ZSWIM6: variants seen among roughly 807,000 people sequenced by gnomAD.
The protein encoded by ZSWIM6 is zinc finger SWIM domain-containing protein 6.
ZSWIM6 carries 9 observed loss-of-function variants against 113.2 expected under a neutral mutation model. The observed-to-expected ratio is 0.08, with a 90% CI of 0.05 to 0.14. The LOEUF (loss-of-function observed/expected upper bound fraction) is 0.14. Among genes scored for constraint, ZSWIM6 ranks in the 10% least tolerant of loss-of-function variants. The pLI is 1.00. For synonymous variants in ZSWIM6, 611 were observed against 606.5 expected, an observed-to-expected ratio of 1.01 and a Z score of -0.11; for missense variants, 1,162 against 1,552.2, an observed-to-expected ratio of 0.75 and a Z score of 4.22.
At chr5:61,386,009 T>A (rs1419063878) in intron 1 of ZSWIM6, among the ~76,000 whole-genome samples, 1 of 152,202 alleles carries the variant, frequency 6.6e-6, no homozygotes, top group Non-Finnish European at 1.5e-5. Context: ...ACAGTGGCAC[T>A]ATTGCCCAGC....
chr5:61,420,904 C>G (rs981378125), intron 1 of ZSWIM6, among the ~76,000 whole-genome samples: 1 of 146,008 alleles, frequency 6.8e-6, no homozygotes, highest in African/African-American at 2.6e-5. Flanking sequence ...AATACTAGGT[C>G]TTATTCGTTC....
chr5:61,350,428 C>T (rs185721507), intron 1 of ZSWIM6, among the ~76,000 whole-genome samples: 11 of 152,068 alleles, frequency 7.2e-5, no homozygotes, highest in African/African-American at 1.4e-4. Flanking sequence ...TTCTGGTCTC[C>T]GTCAGTGGGC....
At chr5:61,366,039 C>T (rs559702478) in intron 1 of ZSWIM6, among the ~76,000 whole-genome samples, 9 of 152,164 alleles carry the variant, frequency 5.9e-5, no homozygotes, top group Middle Eastern at 3.4e-3. Context: ...GGACTACAGG[C>T]GCCGGGCACC....
rs772517532 is a variant in ZSWIM6, at chr5:61,469,600, A to G, written c.677-3081A>G. Among the ~76,000 whole-genome samples the G allele has an allele frequency of 1.3e-4, 20 of 152,332 alleles. 1 individual carries two copies. The highest frequency in any genetic ancestry group is 1.9e-4 in the East Asian group (1 of 5,184). ...CATAATTGTATAATGTCAAGATTCA[A>G]TATACTTCTTTTCTGACTTGTACTG... On this transcript the variant is annotated intron_variant, in intron 1 of 13. Coordinates refer to ENST00000252744, the MANE Select transcript of ZSWIM6 (RefSeq NM_020928.2).
intron 1 of ZSWIM6, among the ~76,000 whole-genome samples, chr5:61,444,054 G>A (rs896767789): frequency 4.6e-5 from 7 of 150,774 alleles, no homozygotes; most frequent in Non-Finnish European, 8.9e-5. Flanking sequence ...CCATTAACTC[G>A]TCATTTAGCA....
At chr5:61,495,380 T>C (rs1475071513) in intron 4 of ZSWIM6, among the ~76,000 whole-genome samples, 1 of 152,154 alleles carries the variant, frequency 6.6e-6, no homozygotes, top group Non-Finnish European at 1.5e-5. Context: ...CACTGTGTAA[T>C]CTAGGGTTAT....
intron 1 of ZSWIM6, among the ~76,000 whole-genome samples, chr5:61,397,232 T>C (rs76759434): frequency 6.6e-6 from 1 of 152,242 alleles, no homozygotes; most frequent in Admixed American, 6.5e-5. Context: ...CCCAGTTGTG[T>C]GTAATACTGT....
chr5:61,402,126 C>T (rs781394209), intron 1 of ZSWIM6, among the ~76,000 whole-genome samples: 9 of 152,028 alleles, frequency 5.9e-5, no homozygotes, highest in East Asian at 3.9e-4. Context: ...TTTAAAATGT[C>T]GTTAATGGAA....
At chr5:61,492,701 C>T (rs561103939) in intron 3 of ZSWIM6, among the ~76,000 whole-genome samples, 8 of 152,196 alleles carry the variant, frequency 5.3e-5, no homozygotes, top group Admixed American at 2.6e-4. Flanking sequence ...ACTGAAGTAA[C>T]GCTCTTGTAA....
At chr5:61,334,694 G>A (rs1744352588) in intron 1 of ZSWIM6, among the ~76,000 whole-genome samples, 1 of 152,120 alleles carries the variant, frequency 6.6e-6, no homozygotes, top group Non-Finnish European at 1.5e-5. Context: ...CTGTCTAGAG[G>A]GGGTTTAGCT....
chr5:61,334,370 G>T lies in ZSWIM6; in HGVS notation c.676+1422G>T, dbSNP rs868043939. On this transcript the variant is annotated intron_variant, in intron 1 of 13. Coordinates refer to ENST00000252744, the MANE Select transcript of ZSWIM6 (RefSeq NM_020928.2). ...GGCATATTTTCTGACCCCCTCCCATGTTAGTGTACTTGAAATTGTAGCATG... is the reference window on the plus strand; with the variant it reads ...GGCATATTTTCTGACCCCCTCCCATTTTAGTGTACTTGAAATTGTAGCATG... 4.0e-4 allele frequency among the ~76,000 whole-genome samples: 61 copies of T among 152,262 alleles called. No homozygotes were observed. In the Middle Eastern group the frequency reaches 0.017, roughly 42 times the overall value.
chr5:61,441,655 G>A (rs919109857), intron 1 of ZSWIM6, among the ~76,000 whole-genome samples: 4 of 152,136 alleles, frequency 2.6e-5, no homozygotes, highest in East Asian at 1.9e-4. Flanking sequence ...GTACGGATGC[G>A]GAGTGTGCAA....
rs561434876 is a variant in ZSWIM6 at position 61,543,611 on chromosome 5, G to A, written c.2942G>A (p.Arg981Gln). ...HQQEKLASSA[R>Q]TLALQCAMKD... ...CAGGAAAAGCTGGCCAGCAGCGCCC[G>A]GACACTTGCACTGCAGTGTGCCATG... Residue 981 changes from arginine to glutamine, a missense_variant, in exon 14 of 14, where the codon CGG (arginine) becomes CAG (glutamine). This residue lies in a region of ZSWIM6 where 620 missense variants were observed against 804.6 expected (regional missense o/e 0.77). Transcript: ENST00000252744. The surrounding 1 kb of genome is among the most constrained non-coding windows in gnomAD (Gnocchi z 4.3). The A allele has an allele frequency of 4.4e-5, 69 of 1,551,702 alleles. No individual in the cohort carries two copies. Among genetic ancestry groups the A allele is most frequent in the South Asian group, 3.2e-4 (27 of 84,052 alleles).
intron 11 of ZSWIM6, 103 bp downstream of exon 11, chr5:61,539,074 A>G: frequency 7.7e-7 from 1 of 1,294,288 alleles, no homozygotes; most frequent in Non-Finnish European, 1.0e-6. Context: ...TGTTAATGTC[A>G]GATAGGTTGA....
At chr5:61,429,951 A>T (rs1248585379) in intron 1 of ZSWIM6, among the ~76,000 whole-genome samples, 1 of 152,246 alleles carries the variant, frequency 6.6e-6, no homozygotes, top group Non-Finnish European at 1.5e-5. Flanking sequence ...AGTGAAAGGT[A>T]CTGAGAAGAG....
chr5:61,488,759 G>A (rs899469069), intron 2 of ZSWIM6, among the ~76,000 whole-genome samples: 1 of 151,394 alleles, frequency 6.6e-6, no homozygotes, highest in African/African-American at 2.4e-5. Context: ...GTGGTACACT[G>A]TGTATACTTT....
At chr5:61,494,781 C>G (rs530012838) in intron 4 of ZSWIM6, among the ~76,000 whole-genome samples, 1 of 152,216 alleles carries the variant, frequency 6.6e-6, no homozygotes. Context: ...CTTTCTTCCC[C>G]CTTCTCCCCA....
chr5:61,447,821 G>C (rs1293445951), intron 1 of ZSWIM6, among the ~76,000 whole-genome samples: 1 of 152,202 alleles, frequency 6.6e-6, no homozygotes, highest in Non-Finnish European at 1.5e-5. Flanking sequence ...AGGTGCTGCA[G>C]CTAAGGAGAT....
intron 1 of ZSWIM6, among the ~76,000 whole-genome samples, chr5:61,413,225 A>G (rs1414436585): frequency 7.9e-6 from 1 of 125,968 alleles, no homozygotes; most frequent in Non-Finnish European, 1.6e-5. Context: ...TCCTGTGTCC[A>G]TGTGTTCTCA....
Sources: allele counts gnomAD v4.1 joint callset (sites outside exome capture counted in the v4.1 genomes callset), GRCh38; gene constraint gnomAD v4.1.1; regional missense constraint gnomAD v4.1.1; non-coding constraint Gnocchi (gnomAD v3.1); transcripts MANE v1.5; gene names NCBI Gene and HGNC (gene_info 2026-07-23, HGNC 2026-07-21).